SPEF2: variants seen among roughly 807,000 people sequenced by gnomAD.
SPEF2 encodes sperm flagella and cilia-associated protein 2.
SPEF2 carries 187 observed loss-of-function variants against 224.6 expected under a neutral mutation model. That is an observed-to-expected ratio of 0.83 (90% confidence interval 0.74 to 0.94). SPEF2 has a LOEUF of 0.94. Ranked by LOEUF, SPEF2 falls within the 40% of genes least tolerant of loss-of-function variation. SPEF2 has a pLI of 0.00. For synonymous variants in SPEF2, 715 were observed against 707.3 expected (o/e 1.01, Z -0.17); for missense variants, 2,170 against 2,135.6 (o/e 1.02, Z -0.32).
rs751343824 is a variant in SPEF2, at chr5:35,659,037, C to G, written c.997C>G (p.Gln333Glu). ...TTTTCAGGAGGCTTATCGGGAGGAACAGCTGATTAACCGGCTGATGCGGCA... is the reference window on the plus strand; with the variant it reads ...TTTTCAGGAGGCTTATCGGGAGGAAGAGCTGATTAACCGGCTGATGCGGCA... ...EAQEEAYREE[Q>E]LINRLMRQSQ... The change falls in exon 8 of 37, where the codon CAG (glutamine) becomes GAG (glutamate). Residue 333 changes from glutamine to glutamate, a missense_variant. Coordinates refer to ENST00000356031, the MANE Select transcript of SPEF2 (RefSeq NM_024867.4). The G allele has an allele frequency of 5.7e-6, 9 of 1,573,410 alleles. No homozygotes were observed. The highest frequency in any genetic ancestry group is 6.9e-6 in the Non-Finnish European group (8 of 1,156,608).
chr5:35,690,898 ACT>A, intron 10 of SPEF2, 137 bp from the exon 11 acceptor site: 1 of 599,688 alleles, frequency 1.7e-6, no homozygotes, highest in Non-Finnish European at 2.8e-6. Flanking sequence ...TAATGTTATT[ACT>A]CTTTTTATAA....
rs141038588 is a variant in SPEF2 at position 35,802,423 on chromosome 5, G to A, written c.5010+2276G>A. ...GTGTGCTGGGGACCACTCTCGATTCGGGGGTATGGCAGTGAACAAAAATTA... is the reference window on the plus strand; with the variant it reads ...GTGTGCTGGGGACCACTCTCGATTCAGGGGTATGGCAGTGAACAAAAATTA... On this transcript the variant is annotated intron_variant, in intron 34 of 36. Transcript: ENST00000356031. 6.9e-3 allele frequency among the ~76,000 whole-genome samples: 1,050 copies of A among 152,228 alleles called. 15 individuals are homozygous for A. The highest frequency in any genetic ancestry group is 0.024 in the African/African-American group (994 of 41,510).
chr5:35,714,700 A>ATTTAT (rs1372195258), intron 20 of SPEF2, among the ~76,000 whole-genome samples: 31 of 148,074 alleles, frequency 2.1e-4, no homozygotes, highest in African/African-American at 6.9e-4. Flanking sequence ...TTATTTATTT[A>ATTTAT]TTTATTTATT....
rs141163015 is a variant in SPEF2 at position 35,659,106 on chromosome 5, C to T, written c.1066C>T (p.Arg356Trp). Residue 356 changes from arginine (R) to tryptophan (W), a missense_variant, in exon 8 of 37, where the codon CGG becomes TGG. Physicochemically the swap from Arg to Trp is moderately radical, Grantham distance 101. Transcript: ENST00000356031. ...GATTGCCGTGCAGCTCATGCATGTT[C>T]GGCATGAAAAGGAAGTTTTATGGCA... ...RRIAVQLMHV[R>W]HEKEVLWQNR... The T allele has an allele frequency of 6.1e-5, 98 of 1,612,532 alleles. No homozygotes were observed. The highest frequency in any genetic ancestry group is 2.3e-4 in the African/African-American group (17 of 74,764).
intron 25 of SPEF2, among the ~76,000 whole-genome samples, chr5:35,762,582 C>G (rs1247018401): frequency 6.6e-6 from 1 of 152,134 alleles, no homozygotes; most frequent in African/African-American, 2.4e-5. Context: ...CAACTTGAGT[C>G]TACAAAACCA....
chr5:35,698,480 G>A (rs1169701323), intron 15 of SPEF2: 1 of 152,224 alleles, frequency 6.6e-6, no homozygotes, highest in Non-Finnish European at 1.5e-5. Context: ...TGGCGATAAA[G>A]CATGTTTCAG....
At chr5:35,764,515 A>G (rs1158922044) in intron 26 of SPEF2, 2 of 453,990 alleles carry the variant, frequency 4.4e-6, no homozygotes, top group Admixed American at 4.7e-5. Flanking sequence ...AACTCAGGTG[A>G]TCAATTGCTA....
chr5:35,660,863 G>A (rs1172003987), intron 8 of SPEF2, among the ~76,000 whole-genome samples: 3 of 152,136 alleles, frequency 2.0e-5, no homozygotes, highest in African/African-American at 7.2e-5. Context: ...TAACTTCAGA[G>A]GACCGGAACA....
At chr5:35,758,821 C>T (rs1168898419) in intron 24 of SPEF2, among the ~76,000 whole-genome samples, 2 of 151,952 alleles carry the variant, frequency 1.3e-5, no homozygotes, top group Admixed American at 6.6e-5. Context: ...GCCTGGCCAA[C>T]ATGGCAAAAC....
intron 30 of SPEF2, among the ~76,000 whole-genome samples, chr5:35,780,194 T>C (rs911543442): frequency 6.6e-6 from 1 of 152,240 alleles, no homozygotes; most frequent in African/African-American, 2.4e-5. Flanking sequence ...ATACTACTTA[T>C]TGGGAAATTA....
intron 30 of SPEF2, chr5:35,781,366 T>G (rs1031419573): frequency 2.0e-5 from 3 of 152,090 alleles, no homozygotes; most frequent in African/African-American, 7.2e-5. Flanking sequence ...AGCAAAACTT[T>G]GGAGGGAGAA....
chr5:35,673,218 A>G (rs950986585), intron 10 of SPEF2, among the ~76,000 whole-genome samples: 5 of 152,184 alleles, frequency 3.3e-5, no homozygotes, highest in African/African-American at 1.2e-4. Flanking sequence ...GTAGCAGTCT[A>G]AGCCAGGAGG....
intron 21 of SPEF2, among the ~76,000 whole-genome samples, chr5:35,733,400 T>G (rs1745996157): frequency 6.6e-6 from 1 of 152,206 alleles, no homozygotes; most frequent in Non-Finnish European, 1.5e-5. Flanking sequence ...AACACAGTTT[T>G]GTAGTTTCCT....
rs1224755923 is a variant in SPEF2, at chr5:35,691,372, C to T, written c.1744+116C>T. The T allele has an allele frequency of 3.7e-6, 3 of 817,726 alleles. No individual in the cohort carries two copies. The Admixed American group carries it at 8.8e-5, about 24-fold the overall frequency. 50.7% of individuals were successfully genotyped at this position (817,726 alleles called of 1,614,324 possible). A position where few individuals can be genotyped will look rare whatever the true frequency, so the allele number is the denominator to read the frequency against. On this transcript the variant is annotated intron_variant, in intron 11 of 36. Coordinates refer to ENST00000356031, the MANE Select transcript of SPEF2 (RefSeq NM_024867.4). Reference sequence around the variant, plus strand: ...AAGCACTGCTGATATGTTGGGAAATCTCTGTCATCAAAAGTTTTGTAATTT... The same window carrying T: ...AAGCACTGCTGATATGTTGGGAAATTTCTGTCATCAAAAGTTTTGTAATTT...
chr5:35,691,342 A>G, intron 11 of SPEF2, 86 bp downstream of exon 11: 1 of 1,023,948 alleles, frequency 9.8e-7, no homozygotes. Flanking sequence ...TAAAAAACAT[A>G]CAAGAAGCAC....
chr5:35,680,455 A>C (rs949179386), intron 10 of SPEF2, among the ~76,000 whole-genome samples: 6 of 152,178 alleles, frequency 3.9e-5, no homozygotes, highest in African/African-American at 1.4e-4. Context: ...TTGAATTTCA[A>C]TTTAGTCACT....
intron 13 of SPEF2, among the ~76,000 whole-genome samples, 175 bp from the exon 14 acceptor site, chr5:35,695,558 GGT>G (rs1755188082): frequency 6.6e-6 from 1 of 152,010 alleles, no homozygotes; most frequent in South Asian, 2.1e-4. Flanking sequence ...GGATCTTAAT[GGT>G]GTGAGTGAAG....
At chr5:35,700,077 G>GCCGTATCATTAAAAAA in intron 15 of SPEF2, 1 of 171,304 alleles carries the variant, frequency 5.8e-6, no homozygotes, top group Non-Finnish European at 1.3e-5. Flanking sequence ...ACAAGCTCTC[G>GCCGTATCATTAAAAAA]ATTTGCCTGC....
At chr5:35,810,458 C>T (rs1201658131) in intron 36 of SPEF2, among the ~76,000 whole-genome samples, 1 of 152,188 alleles carries the variant, frequency 6.6e-6, no homozygotes, top group Non-Finnish European at 1.5e-5. Context: ...GGCGATCCAC[C>T]CGCCTCAGCC....
Sources: gnomAD v4.1 joint callset for allele counts (sites outside exome capture counted in the v4.1 genomes callset) on GRCh38, gnomAD v4.1.1 for gene constraint, MANE v1.5 for transcripts, NCBI Gene and HGNC (gene_info 2026-07-23, HGNC 2026-07-21) for gene names.